The following CLTCL1 variants were observed in gnomAD, a reference collection of about 807,000 sequenced individuals.
CLTCL1 encodes clathrin heavy chain 2.
Under a neutral mutation model 190.0 loss-of-function variants are expected in CLTCL1, and 159 were observed. The ratio of observed to expected loss-of-function variants is 0.84; its 90% CI spans 0.74 to 0.95. CLTCL1 has a LOEUF of 0.95. Ranked by LOEUF, CLTCL1 falls within the 40% of genes least tolerant of loss-of-function variation. The pLI, the probability that CLTCL1 is intolerant of heterozygous loss-of-function variation, is 0.00. For missense variants in CLTCL1, 1,878 were observed against 2,033.4 expected (o/e 0.92, Z 1.47); for synonymous variants, 752 against 769.6 (o/e 0.98, Z 0.38).
chr22:19,243,052 G>T, intron 3 of CLTCL1, 116 bp from the exon 4 acceptor site: 1 of 970,912 alleles, frequency 1.0e-6, no homozygotes, highest in Non-Finnish European at 1.5e-6. Context: ...ACTTCCTCTA[G>T]TAAAAATTAA....
intron 1 of CLTCL1, among the ~76,000 whole-genome samples, chr22:19,276,793 C>T (rs2087523603): frequency 6.6e-6 from 1 of 152,144 alleles, no homozygotes; most frequent in Non-Finnish European, 1.5e-5. Flanking sequence ...CCTCAGCCTC[C>T]CAAGTAGCTG....
At chr22:19,253,037 G>C (rs1555970878) in intron 3 of CLTCL1, among the ~76,000 whole-genome samples, 2 of 149,970 alleles carry the variant, frequency 1.3e-5, no homozygotes, top group East Asian at 3.9e-4. Context: ...AAAAAAGGGA[G>C]GACAAAAAGA....
intron 12 of CLTCL1, 45 bp downstream of exon 12, chr22:19,226,174 G>A (rs1555955825): frequency 6.9e-6 from 11 of 1,590,696 alleles, no homozygotes; most frequent in Middle Eastern, 4.2e-4. Flanking sequence ...GACATTAATT[G>A]CATAGACAAC....
chr22:19,257,841 A>T, intron 2 of CLTCL1: 1 of 1,422,368 alleles, frequency 7.0e-7, no homozygotes. Flanking sequence ...TGAGAATTAG[A>T]GGCTGGAGAG....
chr22:19,181,097 C>T (rs899316765), intron 30 of CLTCL1: 20 of 480,078 alleles, frequency 4.2e-5, no homozygotes, highest in Non-Finnish European at 7.2e-5. Context: ...GTGCATGTGG[C>T]CTGCTTATGG....
chr22:19,202,416 A>C (rs2146330270), intron 22 of CLTCL1, among the ~76,000 whole-genome samples: 4 of 151,824 alleles, frequency 2.6e-5, no homozygotes, highest in Admixed American at 6.6e-5. Context: ...CATCCACGGC[A>C]CCTCCCGCAC....
chr22:19,291,512 C>T (rs1189174101), intron 1 of CLTCL1, 88 bp downstream of exon 1: 3 of 1,183,084 alleles, frequency 2.5e-6, no homozygotes, highest in Non-Finnish European at 1.1e-6. Context: ...AGCGGCTCAG[C>T]GGGGCTGGGG....
chr22:19,222,932 ATGAGAC>A, intron 14 of CLTCL1, 123 bp from the exon 15 acceptor site: 1 of 1,172,526 alleles, frequency 8.5e-7, no homozygotes, highest in Admixed American at 2.3e-5. Context: ...GAGACTCAGA[ATGAGAC>A]TGCTCTAAAT....
intron 32 of CLTCL1, 31 bp from the exon 33 acceptor site, chr22:19,180,000 G>A (rs1555925018): frequency 3.3e-6 from 2 of 597,460 alleles, no homozygotes; most frequent in East Asian, 2.8e-5. Context: ...AATGAGCAGA[G>A]CTCTTCCTGC....
chr22:19,193,728 G>C (rs2084595698), intron 26 of CLTCL1, among the ~76,000 whole-genome samples: 1 of 152,236 alleles, frequency 6.6e-6, no homozygotes, highest in South Asian at 2.1e-4. Flanking sequence ...CTCATGGTGA[G>C]TGTTACAGCT....
intron 11 of CLTCL1, among the ~76,000 whole-genome samples, chr22:19,228,047 TTTCTTATTCC>T (rs2085806644): frequency 1.3e-5 from 2 of 152,148 alleles, no homozygotes; most frequent in South Asian, 4.1e-4. Context: ...TGGCACACTC[TTTCTTATTCC>T]TTCTAGGATC....
intron 30 of CLTCL1, 157 bp downstream of exon 30, chr22:19,183,233 T>A: frequency 1.6e-6 from 1 of 628,056 alleles, no homozygotes; most frequent in Non-Finnish European, 2.8e-6. Flanking sequence ...CACTTCAGCA[T>A]GAAGGAAAGC....
At chr22:19,279,408 ATT>A (rs1569255702) in intron 1 of CLTCL1, among the ~76,000 whole-genome samples, 1 of 152,196 alleles carries the variant, frequency 6.6e-6, no homozygotes, top group Non-Finnish European at 1.5e-5. Flanking sequence ...AAGTGCTAGG[ATT>A]TACAATATTT....
intron 30 of CLTCL1, chr22:19,181,695 C>G (rs2084144806): frequency 1.3e-5 from 2 of 152,282 alleles, no homozygotes; most frequent in Non-Finnish European, 2.9e-5. Context: ...CTCATTCTCC[C>G]AGCACTGCTG....
chr22:19,210,587 C>T (rs369560040), intron 19 of CLTCL1, 78 bp from the exon 20 acceptor site: 8 of 1,254,624 alleles, frequency 6.4e-6, no homozygotes, highest in African/African-American at 4.5e-5. Context: ...TCAGGCATCC[C>T]CAGACCCCCA....
chr22:19,250,800 T>C (rs1359520988), intron 3 of CLTCL1, among the ~76,000 whole-genome samples: 1 of 152,156 alleles, frequency 6.6e-6, no homozygotes, highest in East Asian at 1.9e-4. Context: ...GTTATCCACC[T>C]TCCTCAACCT....
chr22:19,225,330 A>G, intron 13 of CLTCL1, 123 bp downstream of exon 13: 1 of 1,000,710 alleles, frequency 1.0e-6, no homozygotes, highest in Non-Finnish European at 1.4e-6. Context: ...CACCCAAGGC[A>G]GCCAGTGCTG....
At chr22:19,222,254 G>A (rs904304477) in intron 15 of CLTCL1, among the ~76,000 whole-genome samples, 161 bp from the exon 16 acceptor site, 7 of 152,200 alleles carry the variant, frequency 4.6e-5, no homozygotes, top group Admixed American at 2.6e-4. Flanking sequence ...AACCCCTAGT[G>A]GGATTCTACT....
chr22:19,225,427 G>A, intron 13 of CLTCL1, 26 bp downstream of exon 13: 1 of 1,539,872 alleles, frequency 6.5e-7, no homozygotes, highest in Non-Finnish European at 8.8e-7. Flanking sequence ...CACATGGTGG[G>A]GTCGGCGAGA....
Sources: allele counts gnomAD v4.1 joint callset (sites outside exome capture counted in the v4.1 genomes callset), GRCh38; gene constraint gnomAD v4.1.1; transcripts MANE v1.5; gene names NCBI Gene and HGNC (gene_info 2026-07-23, HGNC 2026-07-21).